The following THADA variants were observed in gnomAD, a reference collection of about 807,000 sequenced individuals.
THADA encodes THADA armadillo repeat containing, also known as tRNA (32-2'-O)-methyltransferase regulator THADA.
In THADA, 213 loss-of-function variants were observed where a neutral mutation model predicts 219.8. The ratio of observed to expected loss-of-function variants is 0.97; its 90% CI spans 0.87 to 1.09. The LOEUF is 1.09. Among genes scored for constraint, THADA ranks in the 50% least tolerant of loss-of-function variants. THADA has a pLI of 0.00. For synonymous variants in THADA, 1,018 were observed against 828.9 expected, an observed-to-expected ratio of 1.23 and a Z score of -3.92; for missense variants, 2,956 against 2,311.3, an observed-to-expected ratio of 1.28 and a Z score of -5.72.
At chr2:43,336,756 G>A (rs1325937951) in intron 30 of THADA, among the ~76,000 whole-genome samples, 3 of 152,258 alleles carry the variant, frequency 2.0e-5, no homozygotes, top group East Asian at 1.9e-4. Flanking sequence ...TTCTAAAAAC[G>A]CAGCCATGAA....
chr2:43,591,085 C>T (rs946404354), intron 3 of THADA, 131 bp from the exon 4 acceptor site: 5 of 779,404 alleles, frequency 6.4e-6, no homozygotes, highest in Admixed American at 5.8e-5. Context: ...CTTTGGGAGG[C>T]TGAGGTGGGC....
intron 30 of THADA, among the ~76,000 whole-genome samples, chr2:43,339,859 T>C (rs1666881488): frequency 6.6e-6 from 1 of 152,014 alleles, no homozygotes; most frequent in African/African-American, 2.4e-5. Flanking sequence ...CTTGGAAGAC[T>C]CTGGTGGGAG....
At chr2:43,405,348 C>T (rs1273436422) in intron 28 of THADA, among the ~76,000 whole-genome samples, 3 of 152,114 alleles carry the variant, frequency 2.0e-5, no homozygotes, top group African/African-American at 4.8e-5. Flanking sequence ...AAGTTTGTAT[C>T]CAGTGAGTTG....
At chr2:43,237,127 T>C (rs936446089) in intron 36 of THADA, among the ~76,000 whole-genome samples, 11 of 145,192 alleles carry the variant, frequency 7.6e-5, no homozygotes, top group East Asian at 6.0e-4. Flanking sequence ...GGCATAAGGA[T>C]AGACATATAG....
chr2:43,431,695 C>T (rs1442478246), intron 26 of THADA, among the ~76,000 whole-genome samples: 1 of 41,214 alleles, frequency 2.4e-5, no homozygotes, highest in Non-Finnish European at 3.9e-5. Flanking sequence ...GACGGAGTCT[C>T]GCTCTGTCGC....
At chr2:43,448,244 T>C (rs1320594376) in intron 26 of THADA, among the ~76,000 whole-genome samples, 2 of 152,214 alleles carry the variant, frequency 1.3e-5, no homozygotes, top group African/African-American at 2.4e-5. Flanking sequence ...ATCTGAAGGA[T>C]TGGACAGTAA....
At chr2:43,366,676 A>C (rs1670194058) in intron 29 of THADA, among the ~76,000 whole-genome samples, 2 of 152,224 alleles carry the variant, frequency 1.3e-5, no homozygotes, top group African/African-American at 4.8e-5. Context: ...CATCTAAGTA[A>C]AACAAAAAAT....
intron 36 of THADA, among the ~76,000 whole-genome samples, chr2:43,248,164 TAGAG>T (rs70963389): frequency 0.011 from 438 of 40,338 alleles, no homozygotes; most frequent in African/African-American, 0.017. Flanking sequence ...TATATATATA[TAGAG>T]AGAGAGAGAG....
intron 19 of THADA, 56 bp downstream of exon 19, chr2:43,551,733 G>A (rs1192400397): frequency 1.3e-6 from 2 of 1,504,654 alleles, no homozygotes; most frequent in Non-Finnish European, 1.8e-6. Flanking sequence ...AAAAAAAGAG[G>A]TAAAGACATA....
chr2:43,559,000 G>T (rs770060410), intron 16 of THADA, among the ~76,000 whole-genome samples: 15 of 152,238 alleles, frequency 9.9e-5, no homozygotes, highest in Non-Finnish European at 1.9e-4. Flanking sequence ...GCCCCTTAGT[G>T]ATGTAAGGGC....
chr2:43,430,502 T>A, intron 26 of THADA, 200 bp from the exon 27 acceptor site: 1 of 549,406 alleles, frequency 1.8e-6, no homozygotes, highest in South Asian at 2.1e-5. Context: ...TCTCAATCCA[T>A]GAACTTTTAT....
At chr2:43,403,582 T>C (rs1443316330) in intron 28 of THADA, among the ~76,000 whole-genome samples, 1 of 152,112 alleles carries the variant, frequency 6.6e-6, no homozygotes, top group Non-Finnish European at 1.5e-5. Flanking sequence ...AATATCCCCT[T>C]CCATCCTACC....
chr2:43,396,223 C>T (rs971590306), intron 29 of THADA, among the ~76,000 whole-genome samples: 1 of 152,180 alleles, frequency 6.6e-6, no homozygotes, highest in South Asian at 2.1e-4. Context: ...CCACTGGGAG[C>T]CTTTATGTTG....
chr2:43,526,499 T>G (rs1574085550), intron 22 of THADA, among the ~76,000 whole-genome samples: 1 of 152,176 alleles, frequency 6.6e-6, no homozygotes, highest in African/African-American at 2.4e-5. Context: ...TAGCACAAAT[T>G]CCACCTCTTC....
chr2:43,509,991 C>T lies in THADA; in HGVS notation c.3375-1211G>A, dbSNP rs143929542. ...CCCAACCACTAGATTAAAAAAGATTCAGAGACATAACAACCAAATGTAGTG... is the reference window on the plus strand; with the variant it reads ...CCCAACCACTAGATTAAAAAAGATTTAGAGACATAACAACCAAATGTAGTG... On this transcript the variant is annotated intron_variant, in intron 22 of 37. Coordinates refer to ENST00000405975, the MANE Select transcript of THADA (RefSeq NM_022065.5). Among the ~76,000 whole-genome samples, 112 of 152,226 alleles carry T rather than the reference C, an allele frequency of 7.4e-4. 3 individuals carry two copies. The East Asian group carries it at 0.02, about 27-fold the overall frequency.
At chr2:43,357,828 G>C (rs1669050225) in intron 29 of THADA, among the ~76,000 whole-genome samples, 1 of 152,192 alleles carries the variant, frequency 6.6e-6, no homozygotes, top group African/African-American at 2.4e-5. Context: ...AATTGGGGGA[G>C]TGGGATTTTT....
intron 24 of THADA, among the ~76,000 whole-genome samples, chr2:43,503,744 C>A (rs1373325815): frequency 1.3e-5 from 2 of 152,054 alleles, no homozygotes; most frequent in Non-Finnish European, 2.9e-5. Context: ...ACTAAAAAAG[C>A]TTAGAAGACT....
chr2:43,457,948 G>A (rs941086004), intron 26 of THADA, among the ~76,000 whole-genome samples: 1 of 151,972 alleles, frequency 6.6e-6, no homozygotes, highest in East Asian at 1.9e-4. Flanking sequence ...CAGGTGATAG[G>A]GGATATCCTT....
At chr2:43,350,227 T>C (rs1209498464) in intron 29 of THADA, among the ~76,000 whole-genome samples, 1 of 152,266 alleles carries the variant, frequency 6.6e-6, no homozygotes, top group South Asian at 2.1e-4. Context: ...TTTATGGCTC[T>C]AGGTCAGATT....
Sources: gnomAD v4.1 joint callset for allele counts (sites outside exome capture counted in the v4.1 genomes callset) on GRCh38, gnomAD v4.1.1 for gene constraint, MANE v1.5 for transcripts, NCBI Gene and HGNC (gene_info 2026-07-23, HGNC 2026-07-21) for gene names.